SNTB1: variants seen among roughly 807,000 people sequenced by gnomAD.
SNTB1 encodes the protein syntrophin beta 1.
In SNTB1, 36 loss-of-function variants were observed where a neutral mutation model predicts 48.9. That is an observed-to-expected ratio of 0.74 (90% confidence interval 0.56 to 0.97). SNTB1 has a LOEUF of 0.97. Ranked by LOEUF, SNTB1 falls within the 50% of genes least tolerant of loss-of-function variation. The probability of loss-of-function intolerance (pLI) is 0.00; values close to 1 mark genes in which losing one functional copy is unlikely to be tolerated. For synonymous variants in SNTB1, 299 were observed against 294.6 expected, an observed-to-expected ratio of 1.01 and a Z score of -0.15; for missense variants, 786 against 703.4, an observed-to-expected ratio of 1.12 and a Z score of -1.33.
intron 1 of SNTB1, among the ~76,000 whole-genome samples, chr8:120,713,367 T>C (rs1818498165): frequency 6.6e-6 from 1 of 152,212 alleles, no homozygotes; most frequent in Admixed American, 6.5e-5. Context: ...ACCTTTTCAG[T>C]CACCCCCACC....
At chr8:120,557,146 T>A (rs967257372) in intron 4 of SNTB1, among the ~76,000 whole-genome samples, 3 of 152,114 alleles carry the variant, frequency 2.0e-5, no homozygotes, top group Non-Finnish European at 4.4e-5. Context: ...AAAGACAACA[T>A]GAGTTTGTCT....
rs1393164521 is a variant in SNTB1 at position 120,755,142 on chromosome 8, T to TGTTG, written c.571+56130_571+56131insCAAC. On this transcript the variant is annotated intron_variant, in intron 1 of 6. Transcript: ENST00000517992. ...GTTGAGTCTAAGCTATGCTGTGGTGTTGTGTGTGTGTGTGTGTGTGTGTGT... is the reference window on the plus strand; with the variant it reads ...GTTGAGTCTAAGCTATGCTGTGGTGTGTTGTGTGTGTGTGTGTGTGTGTGTGTGT... Among the ~76,000 whole-genome samples, 32 of 59,740 alleles carry TGTTG rather than the reference T, an allele frequency of 5.4e-4. No homozygotes were observed. The South Asian group carries it at 0.021, about 38-fold the overall frequency. The allele number at this position is 59,740 out of a possible 152,430, so 39.2% of individuals were successfully genotyped here.
intron 3 of SNTB1, among the ~76,000 whole-genome samples, chr8:120,590,528 T>C (rs1816221447): frequency 6.6e-6 from 1 of 152,152 alleles, no homozygotes; most frequent in African/African-American, 2.4e-5. Flanking sequence ...CCATAATGAT[T>C]AATGCTTTCT....
chr8:120,641,684 G>A (rs760943906), intron 2 of SNTB1, among the ~76,000 whole-genome samples: 1 of 152,074 alleles, frequency 6.6e-6, no homozygotes, highest in Non-Finnish European at 1.5e-5. Context: ...CAAATTGTAG[G>A]TGTCCACCTC....
chr8:120,620,093 C>T (rs753461858), intron 3 of SNTB1, among the ~76,000 whole-genome samples: 5 of 151,586 alleles, frequency 3.3e-5, no homozygotes, highest in Non-Finnish European at 7.4e-5. Flanking sequence ...TGTGTGTGCA[C>T]ACACACACAT....
chr8:120,810,201 G>C (rs1402397855), intron 1 of SNTB1, among the ~76,000 whole-genome samples: 1 of 152,146 alleles, frequency 6.6e-6, no homozygotes, highest in Non-Finnish European at 1.5e-5. Context: ...CTACAGCTAG[G>C]CTAGGCTGAG....
intron 2 of SNTB1, among the ~76,000 whole-genome samples, chr8:120,640,563 A>T (rs898213289): frequency 3.9e-5 from 6 of 152,120 alleles, no homozygotes; most frequent in Non-Finnish European, 8.8e-5. Flanking sequence ...ATCAATACCT[A>T]ATTTATTGAG....
chr8:120,620,274 G>A (rs1816773842), intron 3 of SNTB1, among the ~76,000 whole-genome samples: 1 of 152,204 alleles, frequency 6.6e-6, no homozygotes, highest in South Asian at 2.1e-4. Flanking sequence ...CCCTGTGCCA[G>A]CCATTATACA....
chr8:120,661,894 G>A (rs1386980400), intron 2 of SNTB1, among the ~76,000 whole-genome samples: 2 of 152,278 alleles, frequency 1.3e-5, no homozygotes, highest in East Asian at 3.9e-4. Context: ...CAGAGAATGG[G>A]GAAGGAGTAG....
At chr8:120,712,009 G>T (rs1355349837) in intron 1 of SNTB1, among the ~76,000 whole-genome samples, 3 of 152,018 alleles carry the variant, frequency 2.0e-5, no homozygotes, top group Non-Finnish European at 4.4e-5. Flanking sequence ...TTCCAAGTTT[G>T]CAATCATTTA....
At chr8:120,713,138 T>C (rs958110832) in intron 1 of SNTB1, among the ~76,000 whole-genome samples, 15 of 152,188 alleles carry the variant, frequency 9.9e-5, no homozygotes, top group Non-Finnish European at 1.6e-4. Context: ...TCAGTTCTCT[T>C]TCAGCTGCAT....
chr8:120,743,694 G>C (rs547488130), intron 1 of SNTB1, among the ~76,000 whole-genome samples: 2 of 152,132 alleles, frequency 1.3e-5, no homozygotes, highest in Non-Finnish European at 2.9e-5. Flanking sequence ...GGTTTTTCTG[G>C]GTGTCATCAT....
At chr8:120,571,554 G>A (rs1407991256) in intron 4 of SNTB1, among the ~76,000 whole-genome samples, 1 of 128,408 alleles carries the variant, frequency 7.8e-6, no homozygotes, top group Non-Finnish European at 1.6e-5. Context: ...CTGGAGTGCA[G>A]TGGTGTGATC....
intron 2 of SNTB1, among the ~76,000 whole-genome samples, chr8:120,673,960 G>A (rs931870439): frequency 1.3e-5 from 2 of 151,994 alleles, no homozygotes; most frequent in Non-Finnish European, 2.9e-5. Context: ...TCTGGTTATC[G>A]TGAAAAAAAC....
Position 120,585,068 on chromosome 8 carries a change from G to A in SNTB1, c.997-9843C>T, listed in dbSNP as rs573059062. ...GAGACTATACATTTCTGTAGTGTAA[G>A]CCACCCAGTTTATGGTACTTTGTTA... On this transcript the variant is annotated intron_variant, in intron 3 of 6. Coordinates refer to ENST00000517992, the MANE Select transcript of SNTB1 (RefSeq NM_021021.4). 7.9e-5 allele frequency among the ~76,000 whole-genome samples: 12 copies of A among 152,222 alleles called. No homozygotes were observed. The East Asian group carries it at 2.3e-3, about 29-fold the overall frequency.
intron 1 of SNTB1, among the ~76,000 whole-genome samples, chr8:120,760,638 G>A (rs537167729): frequency 1.1e-4 from 17 of 152,060 alleles, no homozygotes; most frequent in Non-Finnish European, 2.1e-4. Flanking sequence ...CATCCTTCCT[G>A]CAGGGGAGGG....
At chr8:120,718,354 C>T (rs1818598524) in intron 1 of SNTB1, among the ~76,000 whole-genome samples, 1 of 152,192 alleles carries the variant, frequency 6.6e-6, no homozygotes, top group Admixed American at 6.5e-5. Context: ...GCTGTCCACA[C>T]ATGTGAGCAG....
chr8:120,541,576 A>G (rs1021360631), intron 6 of SNTB1, among the ~76,000 whole-genome samples: 7 of 152,174 alleles, frequency 4.6e-5, no homozygotes, highest in African/African-American at 1.4e-4. Flanking sequence ...TAACTTTGTA[A>G]AGGATTCTTT....
intron 4 of SNTB1, among the ~76,000 whole-genome samples, chr8:120,568,934 T>C (rs1698255287): frequency 1.3e-5 from 2 of 152,338 alleles, no homozygotes; most frequent in South Asian, 4.1e-4. Flanking sequence ...TGCTTTATGG[T>C]TGCATCATAG....
Sources: gnomAD v4.1 joint callset for allele counts (sites outside exome capture counted in the v4.1 genomes callset) on GRCh38, gnomAD v4.1.1 for gene constraint, MANE v1.5 for transcripts, NCBI Gene and HGNC (gene_info 2026-07-23, HGNC 2026-07-21) for gene names.